MYO7B: variants seen among roughly 807,000 people sequenced by gnomAD.
MYO7B encodes myosin VIIB, also known as unconventional myosin-VIIb.
A neutral mutation model predicts 259.7 loss-of-function variants in MYO7B; 212 were observed. That is an observed-to-expected ratio of 0.82 (90% CI 0.73 to 0.91). The LOEUF is 0.91. Among genes scored for constraint, MYO7B ranks in the 40% least tolerant of loss-of-function variants. MYO7B has a pLI of 0.00. For missense variants in MYO7B, 2,732 were observed against 2,813.5 expected, an observed-to-expected ratio of 0.97 and a Z score of 0.66; for synonymous variants, 1,197 against 1,166.4, an observed-to-expected ratio of 1.03 and a Z score of -0.54.
chr2:127,541,705 G>A (rs1305716086), intron 1 of MYO7B, among the ~76,000 whole-genome samples: 1 of 152,226 alleles, frequency 6.6e-6, no homozygotes, highest in Non-Finnish European at 1.5e-5. Flanking sequence ...ATGTTGCAGA[G>A]GATAGGCAGG....
chr2:127,561,943 C>G (rs890613657), intron 2 of MYO7B, among the ~76,000 whole-genome samples: 13 of 152,026 alleles, frequency 8.6e-5, no homozygotes, highest in Non-Finnish European at 1.2e-4. Context: ...AGATGGCTGT[C>G]TTCTCATCTT....
chr2:127,591,255 G>A (rs1463164400), intron 16 of MYO7B, among the ~76,000 whole-genome samples: 1 of 152,246 alleles, frequency 6.6e-6, no homozygotes, highest in African/African-American at 2.4e-5. Flanking sequence ...AAAATAGGCA[G>A]ATGTGAGATA....
At chr2:127,560,035 T>C (rs1440333639) in intron 2 of MYO7B, among the ~76,000 whole-genome samples, 5 of 150,916 alleles carry the variant, frequency 3.3e-5, no homozygotes, top group African/African-American at 4.9e-5. Context: ...CTTTTCTTTT[T>C]TTTTTTTTTC....
At chr2:127,573,728 C>T (rs1320426132) in intron 6 of MYO7B, among the ~76,000 whole-genome samples, 192 bp from the exon 7 acceptor site, 1 of 152,218 alleles carries the variant, frequency 6.6e-6, no homozygotes, top group Admixed American at 6.5e-5. Flanking sequence ...TTTTTCTGAC[C>T]TCCGAGGTTT....
intron 16 of MYO7B, among the ~76,000 whole-genome samples, chr2:127,592,142 C>T (rs1227339571): frequency 2.0e-5 from 3 of 152,362 alleles, no homozygotes; most frequent in African/African-American, 7.2e-5. Context: ...GCCTGTAATC[C>T]CAGCACTCTG....
intron 7 of MYO7B, among the ~76,000 whole-genome samples, chr2:127,575,227 C>G (rs894305017): frequency 6.6e-6 from 1 of 152,114 alleles, no homozygotes; most frequent in East Asian, 1.9e-4. Flanking sequence ...CCCTATTGTA[C>G]AGATGAGAAA....
rs978579512 is a variant in MYO7B, at chr2:127,628,974, G to A, written c.4624+439G>A. Among the ~76,000 whole-genome samples, 3 of 152,224 alleles carry A rather than the reference G, an allele frequency of 2.0e-5. No homozygotes were observed. The highest frequency in any genetic ancestry group is 7.2e-5 in the African/African-American group (3 of 41,464). ...TCAAGGGGGTGGGAGCCTAGTTCTT[G>A]GCCACAGCTCTCCCACAAGCCAGCA... On this transcript the variant is annotated intron_variant, in intron 34 of 47. Transcript: ENST00000409816. This position sits in a 1 kb window ranked among gnomAD's most constrained non-coding sequence, Gnocchi z 4.8.
Position 127,633,366 on chromosome 2 carries a change from G to A in MYO7B, c.5511+3G>A. 2 of 1,612,474 alleles carry A rather than the reference G, an allele frequency of 1.2e-6. No homozygotes were observed. Among genetic ancestry groups the A allele is most frequent in the African/African-American group, 1.3e-5 (1 of 75,044 alleles). ...ACTTCCCCAATGACACCAGTGAGGT[G>A]AGGCCCTGCTCTGGTCTGCACGGCA... is the stretch of plus-strand genomic sequence containing the variant. On this transcript the variant is annotated splice_donor_region_variant and intron_variant, in intron 40 of 47. Coordinates refer to ENST00000409816, the MANE Select transcript of MYO7B (RefSeq NM_001393586.1).
intron 31 of MYO7B, 104 bp downstream of exon 31, chr2:127,625,639 C>T: frequency 8.2e-7 from 1 of 1,216,096 alleles, no homozygotes; most frequent in Non-Finnish European, 1.1e-6. Flanking sequence ...ACAACCCCCA[C>T]CCCCTGGGGA....
rs765806242 is a variant in MYO7B at position 127,627,118 on chromosome 2, G to C, written c.4333+26G>C. 1.9e-6 allele frequency: 3 copies of C among 1,606,156 alleles called. No homozygotes were observed. Among genetic ancestry groups the C allele is most frequent in the Non-Finnish European group, 2.5e-6 (3 of 1,176,686 alleles). On this transcript the variant is annotated intron_variant, in intron 32 of 47. Coordinates refer to ENST00000409816, the MANE Select transcript of MYO7B (RefSeq NM_001393586.1). The surrounding 1 kb of genome is among the most constrained non-coding windows in gnomAD (Gnocchi z 5.6). ...GTAATGGCATCTGACAGGGGGCAGGGAGCAGGTATGGGCTGGGCACCCAGG... is the reference window on the plus strand; with the variant it reads ...GTAATGGCATCTGACAGGGGGCAGGCAGCAGGTATGGGCTGGGCACCCAGG...
chr2:127,556,712 G>T (rs1693649141), intron 1 of MYO7B, among the ~76,000 whole-genome samples: 1 of 152,204 alleles, frequency 6.6e-6, no homozygotes, highest in Non-Finnish European at 1.5e-5. Flanking sequence ...GCTGAAGATA[G>T]GGTCCCAATC....
intron 5 of MYO7B, among the ~76,000 whole-genome samples, chr2:127,569,283 G>A (rs372126500): frequency 1.2e-4 from 18 of 152,058 alleles, no homozygotes; most frequent in East Asian, 9.7e-4. Flanking sequence ...AGTACAGGAC[G>A]GGAAACAAAA....
intron 16 of MYO7B, among the ~76,000 whole-genome samples, chr2:127,591,438 G>A (rs1250578993): frequency 6.6e-6 from 1 of 152,212 alleles, no homozygotes; most frequent in African/African-American, 2.4e-5. Context: ...ATTGGTGGCT[G>A]CTCAGGGTTC....
chr2:127,539,526 T>A lies in MYO7B; in HGVS notation c.-24+3695T>A, dbSNP rs1018951959. On this transcript the variant is annotated intron_variant, in intron 1 of 47. Transcript: ENST00000409816. The surrounding 1 kb of genome is among the most constrained non-coding windows in gnomAD (Gnocchi z 4.0). ...GCTATAACAGGAAATTCAGGAGAGT[T>A]TTTAAAGAGCTATTTGTAGAAAAGG... is the stretch of plus-strand genomic sequence containing the variant. 6.6e-6 allele frequency among the ~76,000 whole-genome samples: 1 copy of A among 152,124 alleles called. No homozygotes were observed. Among genetic ancestry groups the A allele is most frequent in the African/African-American group, 2.4e-5 (1 of 41,422 alleles).
Position 127,615,577 on chromosome 2 carries a change from T to C in MYO7B, c.3398+2974T>C, listed in dbSNP as rs1386597604. ...CAGGTTCATAGTATTACTAACAGGC[T>C]TCAGGTGTGCCCTGTAGATAATCAC... On this transcript the variant is annotated intron_variant, in intron 26 of 47. Coordinates refer to ENST00000409816, the MANE Select transcript of MYO7B (RefSeq NM_001393586.1). This position sits in a 1 kb window ranked among gnomAD's most constrained non-coding sequence, Gnocchi z 4.4. Among the ~76,000 whole-genome samples the C allele has an allele frequency of 6.6e-6, 1 of 152,118 alleles. No individual in the cohort carries two copies. The highest frequency in any genetic ancestry group is 2.4e-5 in the African/African-American group (1 of 41,418).
At chr2:127,626,930 T>C (rs1252179695) in intron 31 of MYO7B, 45 bp from the exon 32 acceptor site, 1 of 1,531,140 alleles carries the variant, frequency 6.5e-7, no homozygotes, top group Non-Finnish European at 8.9e-7. Context: ...AGGGATTCAC[T>C]AGGGAAGGCA....
intron 9 of MYO7B, among the ~76,000 whole-genome samples, chr2:127,579,862 A>C (rs1412233945): frequency 6.6e-6 from 1 of 152,210 alleles, no homozygotes; most frequent in Non-Finnish European, 1.5e-5. Context: ...CTGGGATTAC[A>C]GACACAAGCC....
Position 127,584,742 on chromosome 2 carries a change from G to A in MYO7B, c.1555-36G>A. On this transcript the variant is annotated intron_variant, in intron 13 of 47. Coordinates refer to ENST00000409816, the MANE Select transcript of MYO7B (RefSeq NM_001393586.1). The surrounding 1 kb of genome is among the most constrained non-coding windows in gnomAD (Gnocchi z 5.8). ...CCTCACCTCCCCATGGCTGGACTCT[G>A]GGACCTCAGCCCACAGGGTGTCTGG... The A allele has an allele frequency of 6.2e-7, 1 of 1,611,228 alleles. No individual in the cohort carries two copies. The highest frequency in any genetic ancestry group is 8.5e-7 in the Non-Finnish European group (1 of 1,178,392).
intron 1 of MYO7B, among the ~76,000 whole-genome samples, chr2:127,557,158 G>C (rs1245107337): frequency 6.6e-6 from 1 of 151,978 alleles, no homozygotes; most frequent in Non-Finnish European, 1.5e-5. Context: ...TTCAAACTCT[G>C]AAGTTCTTTC....
Sources: gnomAD v4.1 joint callset for allele counts (sites outside exome capture counted in the v4.1 genomes callset) on GRCh38, gnomAD v4.1.1 for gene constraint, Gnocchi (gnomAD v3.1) non-coding constraint, MANE v1.5 for transcripts, NCBI Gene and HGNC (gene_info 2026-07-23, HGNC 2026-07-21) for gene names.